The following SND1 variants were observed in gnomAD, a reference collection of about 807,000 sequenced individuals.
SND1 encodes the protein staphylococcal nuclease and tudor domain containing 1.
In SND1, 38 loss-of-function variants were observed where a neutral mutation model predicts 121.7. The observed-to-expected ratio is 0.31, with a 90% confidence interval of 0.24 to 0.41. The LOEUF (loss-of-function observed/expected upper bound fraction) is 0.41, where lower values mean the gene tolerates loss of function less well. Among genes scored for constraint, SND1 ranks in the 10% least tolerant of loss-of-function variants. The pLI is 1.00. For synonymous variants in SND1, 401 were observed against 447.4 expected, an observed-to-expected ratio of 0.90 and a Z score of 1.31; for missense variants, 868 against 1,184.6, an observed-to-expected ratio of 0.73 and a Z score of 3.92.
chr7:127,839,105 C>T (rs1360977609), intron 11 of SND1, among the ~76,000 whole-genome samples: 1 of 152,150 alleles, frequency 6.6e-6, no homozygotes, highest in Non-Finnish European at 1.5e-5. Flanking sequence ...TGTCCGTGTT[C>T]TTATCGAGCC....
intron 15 of SND1, among the ~76,000 whole-genome samples, chr7:127,981,608 C>A (rs543859741): frequency 7.2e-5 from 11 of 152,304 alleles, no homozygotes; most frequent in African/African-American, 2.6e-4. Context: ...TATTCCCATG[C>A]TGGCCTGATT....
In SND1 at chr7:127,992,016, T is replaced by C. The variant is rs571158208; in HGVS notation, c.1779+960T>C. Among the ~76,000 whole-genome samples the C allele has an allele frequency of 2.6e-5, 4 of 152,330 alleles. No individual in the cohort carries two copies. The South Asian group carries it at 8.3e-4, about 32-fold the overall frequency. ...GTTGGTTGCCACCTCTTTGATTCTT[T>C]ACTGCTTGCCTTCTTATTTTGTAGA... On this transcript the variant is annotated intron_variant, in intron 16 of 23. Transcript: ENST00000354725.
chr7:128,057,429 C>G (rs1197111891), intron 16 of SND1, among the ~76,000 whole-genome samples: 1 of 152,180 alleles, frequency 6.6e-6, no homozygotes. Flanking sequence ...GCTTCTTTCT[C>G]ATAGGAAGCC....
chr7:127,743,937 G>T (rs1305656403), intron 10 of SND1, among the ~76,000 whole-genome samples: 1 of 152,120 alleles, frequency 6.6e-6, no homozygotes, highest in East Asian at 1.9e-4. Context: ...TTTTATCGAC[G>T]GGCATGTAAA....
chr7:128,002,644 T>G (rs990364910), intron 16 of SND1, among the ~76,000 whole-genome samples: 62 of 152,212 alleles, frequency 4.1e-4, no homozygotes, highest in Non-Finnish European at 2.1e-4. Flanking sequence ...TGGAGACTAA[T>G]CTGCCAACAG....
intron 16 of SND1, among the ~76,000 whole-genome samples, chr7:128,061,367 A>G (rs1456091761): frequency 6.6e-6 from 1 of 152,216 alleles, no homozygotes; most frequent in Non-Finnish European, 1.5e-5. Flanking sequence ...AGCTGATCAC[A>G]AGGCCCAAAA....
chr7:127,798,640 A>G (rs1798070350), intron 10 of SND1, among the ~76,000 whole-genome samples: 2 of 152,030 alleles, frequency 1.3e-5, no homozygotes, highest in South Asian at 4.2e-4. Context: ...TCTGCATTTA[A>G]TAAAACTCTG....
intron 15 of SND1, among the ~76,000 whole-genome samples, chr7:127,989,147 C>T (rs1423315745): frequency 6.6e-6 from 1 of 152,194 alleles, no homozygotes; most frequent in African/African-American, 2.4e-5. Context: ...ACGTTCCACC[C>T]CTCCCTTGCA....
intron 13 of SND1, among the ~76,000 whole-genome samples, chr7:127,894,809 CT>C (rs11302537): frequency 0.21 from 29,127 of 141,336 alleles, 2,709 homozygotes; most frequent in African/African-American, 0.32. Context: ...CTCTTTATTC[CT>C]TTTTTTTTTT....
chr7:127,701,044 C>A, intron 4 of SND1, 119 bp from the exon 5 acceptor site: 1 of 1,111,642 alleles, frequency 9.0e-7, no homozygotes, highest in Non-Finnish European at 1.3e-6. Context: ...AGCCATAGAT[C>A]TGAAACAGAC....
intron 16 of SND1, among the ~76,000 whole-genome samples, chr7:128,040,512 C>T (rs1176020012): frequency 6.8e-6 from 1 of 146,738 alleles, no homozygotes; most frequent in Non-Finnish European, 1.5e-5. Context: ...ATGGTAAGAC[C>T]TTTCTCCTGG....
intron 16 of SND1, among the ~76,000 whole-genome samples, chr7:128,039,574 C>G (rs1476078479): frequency 6.6e-6 from 1 of 152,064 alleles, no homozygotes; most frequent in African/African-American, 2.4e-5. Context: ...ATTCCTAGCC[C>G]CTTGCTGACA....
chr7:127,963,378 A>G (rs1299910357), intron 15 of SND1, among the ~76,000 whole-genome samples: 1 of 142,332 alleles, frequency 7.0e-6, no homozygotes, highest in Non-Finnish European at 1.5e-5. Context: ...AGCATTAGGT[A>G]TATCTCCCAA....
chr7:127,771,599 T>C (rs1190328830), intron 10 of SND1, among the ~76,000 whole-genome samples: 1 of 152,140 alleles, frequency 6.6e-6, no homozygotes, highest in Non-Finnish European at 1.5e-5. Context: ...ATTGGAGATA[T>C]ATCATCAATT....
At chr7:127,976,108 C>G (rs1318516303) in intron 15 of SND1, among the ~76,000 whole-genome samples, 1 of 152,216 alleles carries the variant, frequency 6.6e-6, no homozygotes, top group African/African-American at 2.4e-5. Context: ...CACAAGCTCA[C>G]ACACACCCCT....
Position 127,823,463 on chromosome 7 carries a change from C to T in SND1, c.1242+15890C>T, listed in dbSNP as rs370137252. On this transcript the variant is annotated intron_variant, in intron 11 of 23. Transcript: ENST00000354725. ...CAGGTAAGGTTCCCATGGGAATTGGCGGGACATCTCAGGGGGACTTAATTT... is the reference window on the plus strand; with the variant it reads ...CAGGTAAGGTTCCCATGGGAATTGGTGGGACATCTCAGGGGGACTTAATTT... Among the ~76,000 whole-genome samples, 18 of 152,116 alleles carry T rather than the reference C, an allele frequency of 1.2e-4. No homozygotes were observed. The South Asian group carries it at 2.7e-3, about 23-fold the overall frequency.
Position 127,773,626 on chromosome 7 carries a change from G to GT in SND1, c.1153-33857dup, listed in dbSNP as rs1391442718. On this transcript the variant is annotated intron_variant, in intron 10 of 23. Coordinates refer to ENST00000354725, the MANE Select transcript of SND1 (RefSeq NM_014390.4). ...TTCAGTATGAAATGGCCATCGCTGG[G>GT]TATGTGGAAGAATAGATACTTCTTG... 2.0e-5 allele frequency among the ~76,000 whole-genome samples: 3 copies of GT among 152,194 alleles called. No individual in the cohort carries two copies. The East Asian group carries it at 5.8e-4, about 29-fold the overall frequency.
chr7:128,062,136 G>A (rs1306438967), intron 16 of SND1, among the ~76,000 whole-genome samples: 1 of 152,262 alleles, frequency 6.6e-6, no homozygotes, highest in Non-Finnish European at 1.5e-5. Context: ...CCGATCTGGA[G>A]TGTAGGTTAA....
chr7:127,803,207 C>T (rs1240108577), intron 10 of SND1, among the ~76,000 whole-genome samples: 1 of 152,166 alleles, frequency 6.6e-6, no homozygotes, highest in Non-Finnish European at 1.5e-5. Flanking sequence ...GCTTTTCTTC[C>T]GATGACTGGG....
Sources: allele counts gnomAD v4.1 joint callset (sites outside exome capture counted in the v4.1 genomes callset), GRCh38; gene constraint gnomAD v4.1.1; transcripts MANE v1.5; gene names NCBI Gene and HGNC (gene_info 2026-07-23, HGNC 2026-07-21).